PRKCH: variants seen among roughly 807,000 people sequenced by gnomAD.
PRKCH encodes the protein protein kinase C eta type.
In PRKCH, 28 loss-of-function variants were observed where a neutral mutation model predicts 82.5. The ratio of observed to expected loss-of-function variants is 0.34; its 90% CI spans 0.25 to 0.47. The LOEUF (loss-of-function observed/expected upper bound fraction) is 0.47. PRKCH is among the 20% of genes least tolerant of loss of function. The pLI, the probability that PRKCH is intolerant of heterozygous loss-of-function variation, is 1.00. For missense variants in PRKCH, 705 were observed against 881.8 expected (o/e 0.80, Z 2.54); for synonymous variants, 322 against 327.4 (o/e 0.98, Z 0.18).
intron 1 of PRKCH, among the ~76,000 whole-genome samples, chr14:61,377,324 T>C (rs189395265): frequency 1.3e-5 from 2 of 152,372 alleles, no homozygotes; most frequent in Admixed American, 1.3e-4. Flanking sequence ...GCTCTTAGAC[T>C]TAGTGTTTAC....
intron 10 of PRKCH, among the ~76,000 whole-genome samples, chr14:61,497,558 A>G (rs1209905340): frequency 6.6e-6 from 1 of 152,200 alleles, no homozygotes; most frequent in South Asian, 2.1e-4. Flanking sequence ...ATATGTACAC[A>G]TTGTGTAATC....
At chr14:61,320,231 A>G (rs1350465449), upstream of PRKCH, among the ~76,000 whole-genome samples, 1 of 152,202 alleles carries the variant, frequency 6.6e-6, no homozygotes, top group Non-Finnish European at 1.5e-5. Context: ...GAAGAAAGAA[A>G]GGAATGAAAG....
At chr14:61,472,921 A>G (rs1885567814) in intron 9 of PRKCH, among the ~76,000 whole-genome samples, 1 of 152,238 alleles carries the variant, frequency 6.6e-6, no homozygotes, top group Non-Finnish European at 1.5e-5. Context: ...ATGAAGACAC[A>G]AGAACAAAAT....
At chr14:61,424,629 G>C (rs1365446129) in intron 2 of PRKCH, among the ~76,000 whole-genome samples, 2 of 152,260 alleles carry the variant, frequency 1.3e-5, no homozygotes, top group Non-Finnish European at 2.9e-5. Flanking sequence ...AAAATTTGCA[G>C]TCTGACAATG....
intron 1 of PRKCH, among the ~76,000 whole-genome samples, chr14:61,331,592 G>A (rs2045789882): frequency 1.3e-5 from 2 of 152,184 alleles, no homozygotes; most frequent in Admixed American, 6.5e-5. Context: ...AGCAATAGGG[G>A]AACACTGTAC....
At chr14:61,299,340 T>C (rs745625835) in intron 1 of PRKCH, among the ~76,000 whole-genome samples, 1 of 152,180 alleles carries the variant, frequency 6.6e-6, no homozygotes, top group Non-Finnish European at 1.5e-5. Context: ...TGAGGCGTTC[T>C]TACCTTACCA....
chr14:61,339,376 C>T (rs185497291), intron 1 of PRKCH, among the ~76,000 whole-genome samples: 31 of 150,132 alleles, frequency 2.1e-4, no homozygotes, highest in South Asian at 4.2e-4. Context: ...CAGGCTGGAG[C>T]GCAGTGGCGC....
intron 9 of PRKCH, among the ~76,000 whole-genome samples, chr14:61,479,128 T>A (rs1006510337): frequency 6.6e-6 from 1 of 152,112 alleles, no homozygotes; most frequent in African/African-American, 2.4e-5. Context: ...TCTGCCTCAC[T>A]CTATGTTTCT....
chr14:61,277,664 C>T (rs965842916), intron 1 of PRKCH: 3 of 152,134 alleles, frequency 2.0e-5, no homozygotes, highest in Non-Finnish European at 4.4e-5. Context: ...AAGTAAAATG[C>T]AGAAGACTAC....
chr14:61,441,790 T>C (rs1883988561), intron 2 of PRKCH, among the ~76,000 whole-genome samples: 3 of 151,850 alleles, frequency 2.0e-5, no homozygotes, highest in South Asian at 4.2e-4. Context: ...CTGTGAACTT[T>C]GGATGCCTTT....
intron 9 of PRKCH, among the ~76,000 whole-genome samples, chr14:61,480,278 C>T (rs1431562285): frequency 6.6e-6 from 1 of 152,178 alleles, no homozygotes; most frequent in African/African-American, 2.4e-5. Context: ...AACCATAATC[C>T]ATCTTCCAGT....
In PRKCH at chr14:61,484,503, G is replaced by A. The variant is rs913015452; in HGVS notation, c.1279-999G>A. On this transcript the variant is annotated intron_variant, in intron 9 of 13. Coordinates refer to ENST00000332981, the MANE Select transcript of PRKCH (RefSeq NM_006255.5). ...ACGTTTTACACTTAGATAAATCTTG[G>A]ATCACTTTTTAAATGAGACCTACAC... Among the ~76,000 whole-genome samples, 3 of 150,840 alleles carry A rather than the reference G, an allele frequency of 2.0e-5. No homozygotes were observed. The East Asian group carries it at 5.9e-4, about 30-fold the overall frequency.
rs79235856 is a variant in PRKCH, at chr14:61,246,935, C to T, written c.-19+59267C>T. On this transcript the variant is annotated intron_variant, in intron 1 of 3. Transcript: ENST00000555185. ...CTTTCCAGGCCCATGAGACCCTCTT[C>T]GGCCCCCATTGTTGGCCTGCCTGTC... 7.5e-3 allele frequency among the ~76,000 whole-genome samples: 1,138 copies of T among 152,158 alleles called. 35 individuals are homozygous for T. In the East Asian group the frequency reaches 0.095, roughly 13 times the overall value.
At chr14:61,455,281 C>T (rs141212863) in intron 7 of PRKCH, among the ~76,000 whole-genome samples, 2,892 of 151,636 alleles carry the variant, frequency 0.019, 100 homozygotes, top group African/African-American at 0.067. Flanking sequence ...ACCTTGTCAT[C>T]CTCCCGTCTC....
At position 61,311,897 on chromosome 14, in the gene PRKCH, A is replaced by C. The variant is rs941403473; in HGVS notation, c.-19+124229A>C. On this transcript the variant is annotated intron_variant, in intron 1 of 3. Transcript: ENST00000555185. ...CATCCTACATGGCAGCAGGTGAGAG[A>C]GTGTGCAAAGGAGAAAGAGCCCCTT... 2.1e-3 allele frequency among the ~76,000 whole-genome samples: 314 copies of C among 152,290 alleles called. 3 individuals are homozygous for C. Among genetic ancestry groups the C allele is most frequent in the Non-Finnish European group, 4.9e-4 (33 of 68,020 alleles).
chr14:61,485,700 C>T, intron 10 of PRKCH, 44 bp downstream of exon 10: 1 of 1,586,454 alleles, frequency 6.3e-7, no homozygotes, highest in Non-Finnish European at 8.6e-7. Context: ...ACTGCCTCTT[C>T]CCTCTCCTGG....
At chr14:61,297,562 G>A (rs1015758723) in intron 1 of PRKCH, among the ~76,000 whole-genome samples, 1 of 152,216 alleles carries the variant, frequency 6.6e-6, no homozygotes, top group Non-Finnish European at 1.5e-5. Context: ...GGAAGGGGAG[G>A]AGATGCTTTC....
At chr14:61,247,103 C>T (rs937213346) in intron 1 of PRKCH, among the ~76,000 whole-genome samples, 4 of 152,084 alleles carry the variant, frequency 2.6e-5, no homozygotes, top group Non-Finnish European at 4.4e-5. Flanking sequence ...CTGGGAACAC[C>T]GTAAAGGCAG....
chr14:61,345,090 A>G (rs1303144045), intron 1 of PRKCH, among the ~76,000 whole-genome samples: 1 of 152,110 alleles, frequency 6.6e-6, no homozygotes, highest in African/African-American at 2.4e-5. Flanking sequence ...TTAACAAATT[A>G]TTTCCCTCTT....
Sources: gnomAD v4.1 joint callset for allele counts (sites outside exome capture counted in the v4.1 genomes callset) on GRCh38, gnomAD v4.1.1 for gene constraint, MANE v1.5 for transcripts, NCBI Gene and HGNC (gene_info 2026-07-23, HGNC 2026-07-21) for gene names.